The following DYM variants were observed in gnomAD, a reference collection of about 807,000 sequenced individuals.
DYM encodes dyggve-Melchior-Clausen syndrome protein.
A neutral mutation model predicts 93.1 loss-of-function variants in DYM; 78 were observed. The ratio of observed to expected loss-of-function variants is 0.84; its 90% CI spans 0.70 to 1.01. The LOEUF (loss-of-function observed/expected upper bound fraction) is 1.01. Among genes scored for constraint, DYM ranks in the 50% least tolerant of loss-of-function variants. The probability of loss-of-function intolerance (pLI) is 0.00; values close to 1 mark genes in which losing one functional copy is unlikely to be tolerated. For missense variants in DYM, 789 were observed against 845.0 expected (o/e 0.93, Z 0.82); for synonymous variants, 321 against 319.7 (o/e 1.00, Z -0.04).
intron 1 of DYM, among the ~76,000 whole-genome samples, chr18:49,445,626 A>G (rs2082033297): frequency 6.6e-6 from 1 of 152,170 alleles, no homozygotes. Flanking sequence ...GAAAGCACAA[A>G]CAAAATGGGG....
rs967118762 is a variant in DYM, at chr18:49,038,422, C to T, written c.*5633G>A. 7.9e-5 allele frequency among the ~76,000 whole-genome samples: 12 copies of T among 152,034 alleles called. No individual in the cohort carries two copies. Among genetic ancestry groups the T allele is most frequent in the Admixed American group, 2.6e-4 (4 of 15,270 alleles). On this transcript the variant is annotated 3_prime_UTR_variant, in exon 18 of 18. Coordinates refer to ENST00000675505, the MANE Select transcript of DYM (RefSeq NM_001353214.3). Reference sequence around the variant, plus strand: ...TATCTTTCTAGTAATTGAATTGACCCTTTTATTTCTTAAAAAAATTATTGC... The same window carrying T: ...TATCTTTCTAGTAATTGAATTGACCTTTTTATTTCTTAAAAAAATTATTGC...
intron 1 of DYM, among the ~76,000 whole-genome samples, chr18:49,432,598 A>ATTTT (rs2080439209): frequency 3.5e-5 from 4 of 113,488 alleles, no homozygotes; most frequent in East Asian, 7.6e-4. Context: ...CCAGCATTAA[A>ATTTT]ATTTTTTTTT....
At chr18:49,169,428 AG>A (rs1478529839) in intron 14 of DYM, among the ~76,000 whole-genome samples, 2 of 152,230 alleles carry the variant, frequency 1.3e-5, no homozygotes, top group African/African-American at 4.8e-5. Context: ...TTGAGTACAC[AG>A]CAGAGCACAG....
At position 49,215,112 on chromosome 18, in the gene DYM, C is replaced by T. The variant is rs748169061; in HGVS notation, c.1461-5397G>A. ...ACTTCTCCTTATAATAAGCTAAATCCATTTGTTCTGTAACTTCTACCCAGT... is the reference window on the plus strand; with the variant it reads ...ACTTCTCCTTATAATAAGCTAAATCTATTTGTTCTGTAACTTCTACCCAGT... On this transcript the variant is annotated intron_variant, in intron 13 of 17. Coordinates refer to ENST00000675505, the MANE Select transcript of DYM (RefSeq NM_001353214.3). Among the ~76,000 whole-genome samples, 43 of 152,198 alleles carry T rather than the reference C, an allele frequency of 2.8e-4. 1 individual carries two copies. Among genetic ancestry groups the T allele is most frequent in the Non-Finnish European group, 4.4e-4 (30 of 68,036 alleles).
At chr18:49,412,604 T>C (rs1477693095) in intron 2 of DYM, among the ~76,000 whole-genome samples, 1 of 152,074 alleles carries the variant, frequency 6.6e-6, no homozygotes, top group Non-Finnish European at 1.5e-5. Flanking sequence ...CAAGCAAACC[T>C]ACAAAGAAAA....
intron 13 of DYM, among the ~76,000 whole-genome samples, chr18:49,218,930 A>T (rs1362308991): frequency 2.6e-5 from 4 of 152,168 alleles, no homozygotes; most frequent in African/African-American, 9.6e-5. Context: ...GGAAATAGAG[A>T]CACAAAAAAC....
chr18:49,244,279 C>G (rs796245005), intron 13 of DYM, among the ~76,000 whole-genome samples: 1 of 152,324 alleles, frequency 6.6e-6, no homozygotes, highest in South Asian at 2.1e-4. Flanking sequence ...TTGGGAAAAG[C>G]TGCTTAGACC....
intron 15 of DYM, among the ~76,000 whole-genome samples, chr18:49,141,620 G>A (rs1378489070): frequency 6.6e-6 from 1 of 152,168 alleles, no homozygotes; most frequent in Non-Finnish European, 1.5e-5. Flanking sequence ...TCAGGTCTCA[G>A]TTAAATATCA....
chr18:49,101,590 G>A (rs936477406), intron 16 of DYM, among the ~76,000 whole-genome samples: 4 of 152,130 alleles, frequency 2.6e-5, no homozygotes, highest in Non-Finnish European at 4.4e-5. Context: ...CAGGCAAAAT[G>A]CTTGCTTGCT....
chr18:49,455,019 A>T (rs935646051), intron 1 of DYM, among the ~76,000 whole-genome samples: 2 of 151,286 alleles, frequency 1.3e-5, no homozygotes, highest in African/African-American at 4.9e-5. Context: ...CTTCTATTAG[A>T]CTTTCCACTC....
At chr18:49,398,524 C>A (rs143915893) in intron 2 of DYM, among the ~76,000 whole-genome samples, 8 of 152,132 alleles carry the variant, frequency 5.3e-5, no homozygotes, top group Admixed American at 5.2e-4. Context: ...CACCCTCTAC[C>A]GACAGAGTGG....
chr18:49,077,736 G>A (rs1011869530), intron 17 of DYM, among the ~76,000 whole-genome samples: 1 of 151,956 alleles, frequency 6.6e-6, no homozygotes, highest in Non-Finnish European at 1.5e-5. Context: ...TTCACCTTTG[G>A]TTTTGTTTTG....
chr18:49,362,555 T>A (rs892268389), intron 6 of DYM, among the ~76,000 whole-genome samples: 2 of 152,130 alleles, frequency 1.3e-5, no homozygotes, highest in African/African-American at 2.4e-5. Flanking sequence ...GTCTCTTGGT[T>A]CATGGTGCCA....
chr18:49,368,839 C>T (rs2066744090), intron 5 of DYM: 1 of 152,194 alleles, frequency 6.6e-6, no homozygotes, highest in Non-Finnish European at 1.5e-5. Flanking sequence ...GGAAAGGAAA[C>T]TGCTTGTGTT....
chr18:49,353,415 G>A (rs1275326142), intron 6 of DYM, among the ~76,000 whole-genome samples: 1 of 151,918 alleles, frequency 6.6e-6, no homozygotes, highest in Non-Finnish European at 1.5e-5. Flanking sequence ...AGATATTAAA[G>A]TACAGATAAT....
intron 2 of DYM, among the ~76,000 whole-genome samples, chr18:49,423,294 A>G (rs1384631217): frequency 3.9e-5 from 6 of 152,224 alleles, no homozygotes; most frequent in Admixed American, 3.9e-4. Context: ...CTGAATGACT[A>G]CTGGGTACAT....
chr18:49,450,709 A>C (rs1285047198), intron 1 of DYM, among the ~76,000 whole-genome samples: 2 of 152,230 alleles, frequency 1.3e-5, no homozygotes, highest in African/African-American at 4.8e-5. Flanking sequence ...TTGGTGAATA[A>C]TACTAATATA....
At position 49,454,512 on chromosome 18, in the gene DYM, G is replaced by A. The variant is rs2082799579; in HGVS notation, c.-54+5886C>T. On this transcript the variant is annotated intron_variant, in intron 1 of 17. Coordinates refer to ENST00000675505, the MANE Select transcript of DYM (RefSeq NM_001353214.3). ...CCCATTTGCATAAGATTAGGTTGAG[G>A]CAACCAGCCTTCCCCACACACTCTG... Among the ~76,000 whole-genome samples, 4 of 152,074 alleles carry A rather than the reference G, an allele frequency of 2.6e-5. No individual in the cohort carries two copies. In the South Asian group the frequency reaches 8.3e-4, roughly 32 times the overall value.
At chr18:49,323,138 G>C (rs867858843) in intron 8 of DYM, among the ~76,000 whole-genome samples, 1 of 152,066 alleles carries the variant, frequency 6.6e-6, no homozygotes, top group African/African-American at 2.4e-5. Context: ...GTTTTCTGAG[G>C]GGCTCCTTAC....
Sources: allele counts gnomAD v4.1 joint callset (sites outside exome capture counted in the v4.1 genomes callset), GRCh38; gene constraint gnomAD v4.1.1; transcripts MANE v1.5; gene names NCBI Gene and HGNC (gene_info 2026-07-23, HGNC 2026-07-21).